The following VPS50 variants were observed in gnomAD, a reference collection of about 807,000 sequenced individuals.
VPS50 encodes the protein syndetin.
A neutral mutation model predicts 139.7 loss-of-function variants in VPS50; 70 were observed. That is an observed-to-expected ratio of 0.50 (90% CI 0.41 to 0.61). VPS50 has a LOEUF of 0.61. VPS50 is among the 20% of genes least tolerant of loss of function. VPS50 has a pLI of 0.00. For synonymous variants in VPS50, 365 were observed against 376.7 expected, an observed-to-expected ratio of 0.97 and a Z score of 0.36; for missense variants, 921 against 1,133.7, an observed-to-expected ratio of 0.81 and a Z score of 2.69.
In VPS50 at chr7:93,232,480, A is replaced by T. The variant is rs1374782617; in HGVS notation, c.13A>T (p.Lys5Ter). 6.2e-7 allele frequency: 1 copy of T among 1,613,672 alleles called. No individual in the cohort carries two copies. The highest frequency in any genetic ancestry group is 8.5e-7 in the Non-Finnish European group (1 of 1,179,694). The part of the protein sequence containing the change: MQKI[K>*]SLMTRQGLKS... ...TCAGGATTTCGATATGCAAAAAATC[A>T]AATCTCTCATGACCCGACAGGTAAG... Residue 5 changes from lysine (K) to a stop codon, truncating the protein, a stop_gained, in exon 1 of 28, where the codon AAA becomes TAA. Transcript: ENST00000305866. LOFTEE classifies it high-confidence loss of function.
At chr7:93,241,899 C>A (rs946841190) in intron 2 of VPS50, among the ~76,000 whole-genome samples, 2 of 151,656 alleles carry the variant, frequency 1.3e-5, no homozygotes, top group Non-Finnish European at 2.9e-5. Context: ...GTTGCTAGTT[C>A]TTGATGACCT....
chr7:93,291,239 T>C (rs1796639716), intron 12 of VPS50, among the ~76,000 whole-genome samples: 1 of 152,138 alleles, frequency 6.6e-6, no homozygotes, highest in African/African-American at 2.4e-5. Flanking sequence ...CCATACGATT[T>C]TAAAAATTTA....
intron 18 of VPS50, among the ~76,000 whole-genome samples, chr7:93,308,027 T>G (rs1457014560): frequency 2.6e-5 from 4 of 151,942 alleles, no homozygotes; most frequent in Non-Finnish European, 5.9e-5. Flanking sequence ...ATGAAAGCAC[T>G]TAGCATAATA....
chr7:93,325,980 A>G (rs1184861123), intron 21 of VPS50, among the ~76,000 whole-genome samples: 2 of 151,942 alleles, frequency 1.3e-5, no homozygotes, highest in African/African-American at 4.8e-5. Flanking sequence ...TCATGCTGCT[A>G]TAAAGACACA....
intron 12 of VPS50, among the ~76,000 whole-genome samples, chr7:93,290,453 C>T (rs1796617233): frequency 6.7e-6 from 1 of 149,512 alleles, no homozygotes; most frequent in African/African-American, 2.5e-5. Context: ...GGGGTTGTGC[C>T]TTAGAGTTTT....
At chr7:93,308,798 T>C in intron 18 of VPS50, 26 bp from the exon 19 acceptor site, 2 of 1,350,654 alleles carry the variant, frequency 1.5e-6, no homozygotes, top group Non-Finnish European at 2.1e-6. Context: ...TTATACTCAT[T>C]TTTTAATAAC....
intron 19 of VPS50, among the ~76,000 whole-genome samples, chr7:93,310,953 C>G (rs550884012): frequency 6.6e-6 from 1 of 152,056 alleles, no homozygotes; most frequent in African/African-American, 2.4e-5. Context: ...GTTTTATAAT[C>G]GAAGAAATGC....
intron 14 of VPS50, among the ~76,000 whole-genome samples, chr7:93,296,483 A>T (rs1407635005): frequency 6.6e-6 from 1 of 152,150 alleles, no homozygotes; most frequent in Non-Finnish European, 1.5e-5. Context: ...AATTCAGTGT[A>T]CTTTGAAATA....
At chr7:93,345,243 T>A (rs1261103600) in intron 23 of VPS50, among the ~76,000 whole-genome samples, 1 of 152,170 alleles carries the variant, frequency 6.6e-6, no homozygotes, top group East Asian at 1.9e-4. Context: ...AATGGATAAA[T>A]TCCTCGACAC....
intron 20 of VPS50, among the ~76,000 whole-genome samples, chr7:93,321,598 GAATA>G (rs1797615026): frequency 6.6e-6 from 1 of 152,208 alleles, no homozygotes. Context: ...TTTGTTGAAT[GAATA>G]AATTAATATC....
At chr7:93,313,746 A>G in intron 20 of VPS50, among the ~76,000 whole-genome samples, 1 of 101,086 alleles carries the variant, frequency 9.9e-6, no homozygotes, top group East Asian at 3.0e-4. Flanking sequence ...GAGAAAAGCC[A>G]CATTCAAGAC....
At position 93,245,792 on chromosome 7, in the gene VPS50, T is replaced by C. The variant is rs1268205847; in HGVS notation, c.102+5858T>C. 5.3e-5 allele frequency among the ~76,000 whole-genome samples: 8 copies of C among 152,004 alleles called. No homozygotes were observed. The East Asian group carries it at 1.5e-3, about 29-fold the overall frequency. On this transcript the variant is annotated intron_variant, in intron 2 of 27. Transcript: ENST00000305866. ...TATTTAAAATGCACACAGAAACTGA[T>C]GAACCGGCTATCTTTGACGGATTAT...
intron 1 of VPS50, among the ~76,000 whole-genome samples, chr7:93,235,010 A>G (rs1242198239): frequency 6.6e-6 from 1 of 152,218 alleles, no homozygotes; most frequent in Non-Finnish European, 1.5e-5. Context: ...GAGGATAGAA[A>G]GTCCTGGGAA....
At chr7:93,334,096 A>G in intron 21 of VPS50, 21 bp from the exon 22 acceptor site, 1 of 1,380,144 alleles carries the variant, frequency 7.2e-7, no homozygotes, top group Non-Finnish European at 1.0e-6. Flanking sequence ...GAACGATATA[A>G]CAAGCCTTTT....
intron 12 of VPS50, among the ~76,000 whole-genome samples, chr7:93,281,547 G>A (rs570311756): frequency 1.3e-5 from 2 of 152,076 alleles, no homozygotes; most frequent in South Asian, 4.2e-4. Context: ...TTTTGTTTTG[G>A]GTTCTCTATA....
intron 20 of VPS50, among the ~76,000 whole-genome samples, chr7:93,317,568 C>G (rs1200792163): frequency 6.6e-6 from 1 of 152,074 alleles, no homozygotes; most frequent in Non-Finnish European, 1.5e-5. Context: ...AATAAACAAA[C>G]AAACAAAACA....
At position 93,275,783 on chromosome 7, in the gene VPS50, C is replaced by G. The variant is rs139871595; in HGVS notation, c.802-382C>G. 3.7e-4 allele frequency: 61 copies of G among 165,444 alleles called. No individual in the cohort carries two copies. In the East Asian group the frequency reaches 9.3e-3, roughly 25 times the overall value. The allele number at this position is 165,444 out of a possible 1,614,324, so 10.2% of individuals were successfully genotyped here. On this transcript the variant is annotated intron_variant, in intron 11 of 27. Transcript: ENST00000305866. Reference sequence around the variant, plus strand: ...TCATATAGGCTAGTCATGGAAGGTTCCCTGAGAAGATTACCATTGAGAAGT... The same window carrying G: ...TCATATAGGCTAGTCATGGAAGGTTGCCTGAGAAGATTACCATTGAGAAGT...
At chr7:93,265,395 G>A (rs1024628176) in intron 9 of VPS50, among the ~76,000 whole-genome samples, 2 of 152,136 alleles carry the variant, frequency 1.3e-5, no homozygotes, top group African/African-American at 4.8e-5. Context: ...GTAAACAAAC[G>A]GTTGTGGCTA....
chr7:93,308,738 T>TA (rs1449110355), intron 18 of VPS50, 86 bp from the exon 19 acceptor site: 1 of 589,126 alleles, frequency 1.7e-6, no homozygotes, highest in East Asian at 2.8e-5. Flanking sequence ...CTGTTTCTTA[T>TA]AAAACTGAGT....
Sources: gnomAD v4.1 joint callset for allele counts (sites outside exome capture counted in the v4.1 genomes callset) on GRCh38, gnomAD v4.1.1 for gene constraint, MANE v1.5 for transcripts, NCBI Gene and HGNC (gene_info 2026-07-23, HGNC 2026-07-21) for gene names.